The following DHX8 variants were observed in gnomAD, a reference collection of about 807,000 sequenced individuals.
DHX8 encodes DEAH-box helicase 8.
In DHX8, 67 loss-of-function variants were observed where a neutral mutation model predicts 140.7. The ratio of observed to expected loss-of-function variants is 0.48; its 90% CI spans 0.39 to 0.58. DHX8 has a LOEUF of 0.58. Among genes scored for constraint, DHX8 ranks in the 20% least tolerant of loss-of-function variants. The probability of loss-of-function intolerance (pLI) is 0.00; values close to 1 mark genes in which losing one functional copy is unlikely to be tolerated. For synonymous variants in DHX8, 533 were observed against 553.2 expected (o/e 0.96, Z 0.51); for missense variants, 887 against 1,550.7 (o/e 0.57, Z 7.19).
At chr17:43,496,592 A>G (rs1049394955) in intron 9 of DHX8, among the ~76,000 whole-genome samples, 1 of 152,152 alleles carries the variant, frequency 6.6e-6, no homozygotes, top group Non-Finnish European at 1.5e-5. Context: ...AGCCTGGCCA[A>G]CATGGTGAAA....
At chr17:43,530,618 G>C (rs1970872878), downstream of DHX8, among the ~76,000 whole-genome samples, 2 of 95,260 alleles carry the variant, frequency 2.1e-5, no homozygotes, top group Non-Finnish European at 5.3e-5. Flanking sequence ...GCGTGTGTGT[G>C]TGTGTGTGTG....
At chr17:43,544,395 A>G (rs550178658) in exon 4 of DHX8, 3 of 153,002 alleles carry the variant, frequency 2.0e-5, no homozygotes, top group African/African-American at 7.2e-5. Flanking sequence ...ATTACAATCA[A>G]GGCTATTTGG....
intron 3 of DHX8, among the ~76,000 whole-genome samples, chr17:43,541,927 C>A (rs574376668): frequency 6.6e-6 from 1 of 152,088 alleles, no homozygotes; most frequent in African/African-American, 2.4e-5. Flanking sequence ...ACAGACATGC[C>A]GAGGCACCAG....
intron 2 of DHX8, chr17:43,533,109 CTCAAG>C: frequency 6.4e-7 from 1 of 1,564,096 alleles, no homozygotes; most frequent in Non-Finnish European, 8.7e-7. Flanking sequence ...CACCCCACAG[CTCAAG>C]TCTTTATGGA....
At chr17:43,532,555 G>T (rs1970999534) in intron 2 of DHX8, 1 of 865,360 alleles carries the variant, frequency 1.2e-6, no homozygotes, top group Non-Finnish European at 1.8e-6. Flanking sequence ...AAGAAAAAAA[G>T]TGGGTGGGTG....
chr17:43,510,293 C>T (rs1969747581), intron 16 of DHX8, among the ~76,000 whole-genome samples: 1 of 152,136 alleles, frequency 6.6e-6, no homozygotes, highest in East Asian at 1.9e-4. Flanking sequence ...GATGATCTGC[C>T]CCCCTCGGCC....
intron 16 of DHX8, among the ~76,000 whole-genome samples, chr17:43,509,090 A>G (rs1969657292): frequency 6.6e-6 from 1 of 152,204 alleles, no homozygotes; most frequent in South Asian, 2.1e-4. Flanking sequence ...TGGGAGCTGC[A>G]TTGTGAGAAC....
At chr17:43,488,789 T>C (rs943779505) in intron 1 of DHX8, among the ~76,000 whole-genome samples, 3 of 152,114 alleles carry the variant, frequency 2.0e-5, no homozygotes, top group African/African-American at 7.2e-5. Context: ...TATTGTCACC[T>C]TTACAGTCTA....
In DHX8 at chr17:43,520,849, G is replaced by A; in HGVS notation, c.3036G>A (p.Leu1012=). The change falls in exon 20 of 23, where the codon CTG becomes CTA. Residue 1012 remains leucine, a synonymous_variant. Coordinates refer to ENST00000262415, the MANE Select transcript of DHX8 (RefSeq NM_004941.3). ...SEEMLTIVSM[L]SVQNVFYRPK... is the part of the protein sequence containing the mutation. ...AAATGCTGACCATTGTATCCATGCT[G>A]TCTGTGCAGAACGTCTTCTATAGGC... 1 of 1,613,610 alleles carries A rather than the reference G, an allele frequency of 6.2e-7. No individual in the cohort carries two copies. The highest frequency in any genetic ancestry group is 8.5e-7 in the Non-Finnish European group (1 of 1,179,836).
chr17:43,492,155 C>T (rs1445279654), intron 4 of DHX8, 28 bp from the exon 5 acceptor site: 2 of 1,574,576 alleles, frequency 1.3e-6, no homozygotes, highest in Admixed American at 1.7e-5. Flanking sequence ...GTTTTTTTTC[C>T]TAACTTTGCC....
chr17:43,530,609 C>CGTGT (rs58803566), downstream of DHX8, among the ~76,000 whole-genome samples: 1 of 118,996 alleles, frequency 8.4e-6, no homozygotes, highest in African/African-American at 3.6e-5. Context: ...TGCACGCGCG[C>CGTGT]GTGTGTGTGT....
At chr17:43,492,154 C>T (rs1376246490) in intron 4 of DHX8, 29 bp from the exon 5 acceptor site, 5 of 1,548,560 alleles carry the variant, frequency 3.2e-6, no homozygotes, top group Admixed American at 1.7e-5. Context: ...AGTTTTTTTT[C>T]CTAACTTTGC....
intron 3 of DHX8, among the ~76,000 whole-genome samples, chr17:43,542,174 G>A (rs944511027): frequency 2.0e-5 from 3 of 152,100 alleles, no homozygotes; most frequent in Non-Finnish European, 2.9e-5. Context: ...CAGATCGATC[G>A]ATCCCTTTGA....
At chr17:43,530,487 G>T (rs886703075), downstream of DHX8, 14 of 1,272,606 alleles carry the variant, frequency 1.1e-5, no homozygotes, top group African/African-American at 1.8e-4. Flanking sequence ...GCGAGTTCAG[G>T]GGGAGGAGGG....
chr17:43,508,617 T>C, intron 16 of DHX8, 97 bp downstream of exon 16: 1 of 697,830 alleles, frequency 1.4e-6, no homozygotes, highest in South Asian at 2.2e-5. Context: ...TGTATGCAAG[T>C]CTTTTTTTTT....
In DHX8 at chr17:43,508,324, C is replaced by T. The variant is rs762003325; in HGVS notation, c.2321-15C>T. On this transcript the variant is annotated splice_polypyrimidine_tract_variant and intron_variant, in intron 15 of 22. Coordinates refer to ENST00000262415, the MANE Select transcript of DHX8 (RefSeq NM_004941.3). ...CACACACAGAAAGTAGATGAATGTTCTATTCTGCTCGTAGGTGATATCCTG... is the reference window on the plus strand; with the variant it reads ...CACACACAGAAAGTAGATGAATGTTTTATTCTGCTCGTAGGTGATATCCTG... 3 of 1,604,146 alleles carry T rather than the reference C, an allele frequency of 1.9e-6. No individual in the cohort carries two copies. In the African/African-American group the frequency reaches 4.0e-5, roughly 21 times the overall value.
At chr17:43,498,626 T>C (rs944134224) in intron 9 of DHX8, among the ~76,000 whole-genome samples, 1 of 151,772 alleles carries the variant, frequency 6.6e-6, no homozygotes, top group Non-Finnish European at 1.5e-5. Context: ...ATTTTTGGAT[T>C]TTTAATGAGA....
intron 11 of DHX8, among the ~76,000 whole-genome samples, chr17:43,504,365 A>AG (rs768471924): frequency 6.6e-6 from 1 of 152,160 alleles, no homozygotes; most frequent in African/African-American, 2.4e-5. Flanking sequence ...CTAAAAAAAA[A>AG]TAATTCCAGT....
At chr17:43,530,526 T>G (rs764218605), downstream of DHX8, 25 of 969,274 alleles carry the variant, frequency 2.6e-5, no homozygotes, top group Non-Finnish European at 3.3e-5. Context: ...GGGGAAAGAG[T>G]TCGGTGTCCA....
Sources: gnomAD v4.1 joint callset for allele counts (sites outside exome capture counted in the v4.1 genomes callset) on GRCh38, gnomAD v4.1.1 for gene constraint, MANE v1.5 for transcripts, NCBI Gene and HGNC (gene_info 2026-07-23, HGNC 2026-07-21) for gene names.